DNAJC13: variants seen among roughly 807,000 people sequenced by gnomAD.
DNAJC13 encodes the protein dnaJ homolog subfamily C member 13.
In DNAJC13, 75 loss-of-function variants were observed where a neutral mutation model predicts 290.5. That is an observed-to-expected ratio of 0.26 (90% confidence interval 0.21 to 0.31). DNAJC13 has a LOEUF of 0.31. Ranked by LOEUF, DNAJC13 falls within the 10% of genes least tolerant of loss-of-function variation. The pLI is 1.00. For missense variants in DNAJC13, 2,260 were observed against 2,674.5 expected, an observed-to-expected ratio of 0.85 and a Z score of 3.42; for synonymous variants, 862 against 892.0, an observed-to-expected ratio of 0.97 and a Z score of 0.60.
At chr3:132,432,741 G>A (rs139892528) in intron 1 of DNAJC13, among the ~76,000 whole-genome samples, 273 of 152,230 alleles carry the variant, frequency 1.8e-3, no homozygotes, top group African/African-American at 6.3e-3. Context: ...CTAAGTTACA[G>A]TCAATGAATA....
chr3:132,492,447 C>T lies in DNAJC13; in HGVS notation c.3657C>T (p.Leu1219=), dbSNP rs774161668. 4.8e-5 allele frequency: 77 copies of T among 1,613,670 alleles called. No individual in the cohort carries two copies. The highest frequency in any genetic ancestry group is 5.4e-5 in the Non-Finnish European group (64 of 1,179,824). Residue 1219 remains leucine, a synonymous_variant, in exon 33 of 56, where the codon CTC becomes CTT. Transcript: ENST00000260818. The part of the protein sequence containing the change: ...RLMIEKIAAH[L]ADFTPRLQSN... ...TGATAGAGAAGATTGCTGCCCATCT[C>T]GCGGATTTCACACCTCGTCTTCAGA...
chr3:132,447,776 A>G lies in DNAJC13; in HGVS notation c.295-122A>G. On this transcript the variant is annotated intron_variant, in intron 4 of 55. Transcript: ENST00000260818. ...TGAATATTCTTAAACTATAACTTGA[A>G]TAACAGTTTTTAGTGTCCAGGTTAC... is the stretch of plus-strand genomic sequence containing the variant. 3.9e-6 allele frequency: 3 copies of G among 776,742 alleles called. No individual in the cohort carries two copies. The South Asian group carries it at 4.9e-5, about 13-fold the overall frequency. 48.1% of individuals were successfully genotyped at this position (776,742 alleles called of 1,614,324 possible).
intron 9 of DNAJC13, among the ~76,000 whole-genome samples, chr3:132,455,298 A>G (rs563120109): frequency 3.0e-4 from 46 of 152,350 alleles, no homozygotes; most frequent in African/African-American, 1.1e-3. Context: ...GCAAACTACT[A>G]CATATTCACT....
chr3:132,422,006 A>G (rs991767695), intron 1 of DNAJC13, among the ~76,000 whole-genome samples: 11 of 150,882 alleles, frequency 7.3e-5, no homozygotes, highest in African/African-American at 2.2e-4. Flanking sequence ...CCAACTAAGC[A>G]TTTGGACTTC....
chr3:132,525,489 T>C, intron 51 of DNAJC13, 121 bp from the exon 52 acceptor site: 1 of 965,884 alleles, frequency 1.0e-6, no homozygotes, highest in Non-Finnish European at 1.5e-6. Flanking sequence ...GTGAATCTGT[T>C]TTCAAGTATC....
intron 1 of DNAJC13, among the ~76,000 whole-genome samples, chr3:132,422,461 G>A (rs1938988053): frequency 6.6e-6 from 1 of 152,176 alleles, no homozygotes; most frequent in South Asian, 2.1e-4. Context: ...CCTCAGATGG[G>A]ATGGCATCCT....
intron 55 of DNAJC13, among the ~76,000 whole-genome samples, chr3:132,534,470 A>G (rs1483109544): frequency 6.6e-6 from 1 of 152,152 alleles, no homozygotes; most frequent in Non-Finnish European, 1.5e-5. Context: ...AGCGTGGGCA[A>G]CACGGCAAGA....
intron 20 of DNAJC13, among the ~76,000 whole-genome samples, chr3:132,467,860 T>C (rs1250179059): frequency 6.6e-6 from 1 of 152,306 alleles, no homozygotes; most frequent in Middle Eastern, 3.4e-3. Context: ...TGGTATTTAA[T>C]ATAGAATTCC....
chr3:132,477,783 A>G lies in DNAJC13; in HGVS notation c.2446-6A>G, dbSNP rs374285579. On this transcript the variant is annotated splice_polypyrimidine_tract_variant and splice_region_variant and intron_variant, in intron 22 of 55. Coordinates refer to ENST00000260818, the MANE Select transcript of DNAJC13 (RefSeq NM_015268.4). ...AAAATAGTGTAATTTGCTTTTGTTTATGAAGGTTAAATATGAGTGCCTGGC... is the reference window on the plus strand; with the variant it reads ...AAAATAGTGTAATTTGCTTTTGTTTGTGAAGGTTAAATATGAGTGCCTGGC... 1.0e-4 allele frequency: 160 copies of G among 1,595,324 alleles called. 2 individuals carry two copies. The Middle Eastern group carries it at 2.5e-3, about 25-fold the overall frequency.
chr3:132,471,237 CG>C (rs1553745989), intron 20 of DNAJC13, among the ~76,000 whole-genome samples: 1 of 128,746 alleles, frequency 7.8e-6, no homozygotes, highest in Non-Finnish European at 1.7e-5. Flanking sequence ...GCTGGCCGGG[CG>C]GGGGGCTGAC....
rs767224286 is a variant in DNAJC13, at chr3:132,514,680, C to T, written c.5485+10C>T. Reference sequence around the variant, plus strand: ...CATTCATTGCCATCAAGTATGTATACAGATGGAATTTTGGAAACCACAGCA... The same window carrying T: ...CATTCATTGCCATCAAGTATGTATATAGATGGAATTTTGGAAACCACAGCA... On this transcript the variant is annotated intron_variant, in intron 46 of 55. Transcript: ENST00000260818. 10 of 1,596,764 alleles carry T rather than the reference C, an allele frequency of 6.3e-6. No individual in the cohort carries two copies. In the South Asian group the frequency reaches 1.1e-4, roughly 18 times the overall value.
chr3:132,430,384 C>A (rs1939208956), intron 1 of DNAJC13, among the ~76,000 whole-genome samples: 1 of 151,800 alleles, frequency 6.6e-6, no homozygotes, highest in Admixed American at 6.6e-5. Context: ...TGTTCTTATT[C>A]CCCCCTATGG....
intron 4 of DNAJC13, 69 bp from the exon 5 acceptor site, chr3:132,447,829 A>G (rs1264435208): frequency 8.0e-7 from 1 of 1,247,114 alleles, no homozygotes; most frequent in East Asian, 2.3e-5. Flanking sequence ...TGCTTTGAGT[A>G]GAAGGGAGTG....
chr3:132,526,408 A>G (rs1426967598), intron 53 of DNAJC13, 127 bp downstream of exon 53: 1 of 1,106,080 alleles, frequency 9.0e-7, no homozygotes. Context: ...GAGTTTGTGT[A>G]TAAACAATTT....
chr3:132,507,529 T>C (rs994571646), intron 43 of DNAJC13, among the ~76,000 whole-genome samples, 176 bp downstream of exon 43: 3 of 152,152 alleles, frequency 2.0e-5, no homozygotes, highest in Admixed American at 1.3e-4. Flanking sequence ...AGCAAGCCTA[T>C]TGGCACCATT....
At chr3:132,485,492 A>G (rs1934838034) in intron 29 of DNAJC13, among the ~76,000 whole-genome samples, 1 of 152,230 alleles carries the variant, frequency 6.6e-6, no homozygotes, top group South Asian at 2.1e-4. Flanking sequence ...GAGCCTAAAC[A>G]TGAGAAGTTT....
At chr3:132,442,354 G>A (rs1007348738) in intron 2 of DNAJC13, among the ~76,000 whole-genome samples, 4 of 152,092 alleles carry the variant, frequency 2.6e-5, no homozygotes, top group African/African-American at 9.7e-5. Context: ...ACTTAAGAAT[G>A]CTGTAACATT....
chr3:132,445,206 C>T (rs564227334), intron 2 of DNAJC13, among the ~76,000 whole-genome samples: 14 of 151,674 alleles, frequency 9.2e-5, no homozygotes, highest in Admixed American at 5.9e-4. Context: ...TGATTCTCTC[C>T]GTAGATGTCA....
In DNAJC13 at chr3:132,446,567, C is replaced by G. The variant is rs754841072; in HGVS notation, c.144+17C>G. 6.4e-6 allele frequency: 10 copies of G among 1,569,990 alleles called. No individual in the cohort carries two copies. The highest frequency in any genetic ancestry group is 8.7e-6 in the Non-Finnish European group (10 of 1,155,872). Reference sequence around the variant, plus strand: ...ACAAATCAGGTAATCCTGTTAGAAGCTGTTAGGTGTTTGTATGAACTCCCT... The same window carrying G: ...ACAAATCAGGTAATCCTGTTAGAAGGTGTTAGGTGTTTGTATGAACTCCCT... On this transcript the variant is annotated intron_variant, in intron 3 of 55. Transcript: ENST00000260818.
Sources: gnomAD v4.1 joint callset for allele counts (sites outside exome capture counted in the v4.1 genomes callset) on GRCh38, gnomAD v4.1.1 for gene constraint, MANE v1.5 for transcripts, NCBI Gene and HGNC (gene_info 2026-07-23, HGNC 2026-07-21) for gene names.